Variants in NEU3 observed in about 807,000 individuals in gnomAD.
The protein encoded by NEU3 is neuraminidase 3.
In NEU3, 10 loss-of-function variants were observed where a neutral mutation model predicts 11.4. The observed-to-expected ratio is 0.88, with a 90% CI of 0.54 to 1.49. NEU3 has a LOEUF of 1.49. NEU3 is among the 40% of genes most tolerant of loss of function. NEU3 has a pLI of 0.00. For missense variants in NEU3, 529 were observed against 581.8 expected (o/e 0.91, Z 0.93); for synonymous variants, 212 against 228.2 (o/e 0.93, Z 0.64).
At chr11:75,017,262 G>A (rs79736723) in intron 3 of NEU3, among the ~76,000 whole-genome samples, 3,198 of 152,256 alleles carry the variant, frequency 0.021, 132 homozygotes, top group African/African-American at 0.073. Flanking sequence ...CAGAGTTGGG[G>A]CAGATCCTTG....
downstream of NEU3, among the ~76,000 whole-genome samples, chr11:75,014,995 T>G (rs565377): frequency 6.6e-4 from 100 of 152,162 alleles, no homozygotes; most frequent in African/African-American, 2.3e-3. Context: ...GGGAGCTGCC[T>G]TGATTATTAT....
Position 75,005,855 on chromosome 11 carries a change from T to C in NEU3, c.749T>C (p.Leu250Pro). Residue 250 changes from leucine (L) to proline (P), a missense_variant, in exon 3 of 3, where the codon CTC (leucine) becomes CCC (proline). Coordinates refer to ENST00000294064, the MANE Select transcript of NEU3 (RefSeq NM_006656.6). The part of the protein sequence containing the change: ...DLGVTWHHGR[L>P]IRPMVTVECE... The stretch of plus-strand genomic sequence containing the variant: ...GGGGTCACATGGCACCATGGTAGAC[T>C]CATTAGGCCCATGGTTACAGTAGAA... The C allele has an allele frequency of 6.2e-7, 1 of 1,613,928 alleles. No homozygotes were observed. Among genetic ancestry groups the C allele is most frequent in the Non-Finnish European group, 8.5e-7 (1 of 1,179,878 alleles).
At position 75,006,686 on chromosome 11, in the gene NEU3, A is replaced by C. The variant is rs557205845; in HGVS notation, c.*194A>C. On this transcript the variant is annotated 3_prime_UTR_variant, in exon 3 of 3. Coordinates refer to ENST00000294064, the MANE Select transcript of NEU3 (RefSeq NM_006656.6). ...GAAAGAGCACTGAACTAGGAGTTGG[A>C]AGACAAGGATGTGGTCCTGGCTCTG... is the stretch of plus-strand genomic sequence containing the variant. The C allele has an allele frequency of 1.1e-5, 7 of 614,614 alleles. No homozygotes were observed. In the South Asian group the frequency reaches 1.6e-4, roughly 14 times the overall value. The allele number at this position is 614,614 out of a possible 1,614,324, so 38.1% of individuals were successfully genotyped here.
intron 3 of NEU3, among the ~76,000 whole-genome samples, chr11:75,015,993 T>G (rs1462976568): frequency 6.6e-6 from 1 of 152,204 alleles, no homozygotes; most frequent in Non-Finnish European, 1.5e-5. Context: ...GAGGACTGGA[T>G]AGTCTGTGGA....
Position 75,006,192 on chromosome 11 carries a change from C to T in NEU3, c.1086C>T (p.Leu362=), listed in dbSNP as rs747668366. The T allele has an allele frequency of 5.6e-6, 9 of 1,613,908 alleles. No homozygotes were observed. Among genetic ancestry groups the T allele is most frequent in the Non-Finnish European group, 7.6e-6 (9 of 1,179,910 alleles). ...CTGGAACACCGTCAGAATCATGGCT[C>T]TTGTACTCACACCCAACCAGTAGGA... ...EEAGTPSESW[L]LYSHPTSRKQ... is the part of the protein sequence containing the mutation. The change falls in exon 3 of 3, where the codon CTC becomes CTT. Residue 362 remains leucine, a synonymous_variant. Coordinates refer to ENST00000294064, the MANE Select transcript of NEU3 (RefSeq NM_006656.6).
intron 2 of NEU3, among the ~76,000 whole-genome samples, chr11:75,001,285 CTTTTTTTTTTT>C (rs775188864): frequency 7.7e-6 from 1 of 130,098 alleles, no homozygotes; most frequent in Non-Finnish European, 1.7e-5. Flanking sequence ...TTTTTTTTTT[CTTTTTTTTTTT>C]TTTGAGATGG....
intron 1 of NEU3, among the ~76,000 whole-genome samples, chr11:74,993,500 G>A (rs1025043492): frequency 2.0e-5 from 3 of 152,110 alleles, no homozygotes; most frequent in East Asian, 1.9e-4. Context: ...CACCACGCCC[G>A]GCCTGGTTAG....
chr11:74,989,514 T>C (rs185438791), intron 1 of NEU3, among the ~76,000 whole-genome samples: 1 of 152,228 alleles, frequency 6.6e-6, no homozygotes, highest in East Asian at 1.9e-4. Flanking sequence ...GTAAGCTTTG[T>C]CCCCATCCCG....
chr11:75,004,758 A>G (rs1313373773), intron 2 of NEU3, among the ~76,000 whole-genome samples: 1 of 152,206 alleles, frequency 6.6e-6, no homozygotes, highest in Non-Finnish European at 1.5e-5. Context: ...GTGTCTCTGA[A>G]TCTATGCTTG....
Position 74,989,007 on chromosome 11 carries a change from C to T in NEU3, c.-54C>T. 1 of 1,351,272 alleles carries T rather than the reference C, an allele frequency of 7.4e-7. No individual in the cohort carries two copies. Among genetic ancestry groups the T allele is most frequent in the Admixed American group, 2.0e-5 (1 of 50,134 alleles). 83.7% of individuals were successfully genotyped at this position (1,351,272 alleles called of 1,614,324 possible). ...CAGTTGTTTCTCCCTCTCTATCCTC[C>T]TCTGTCTCAGTCTCCCCAGCCTTGG... On this transcript the variant is annotated 5_prime_UTR_variant, in exon 1 of 3. Transcript: ENST00000294064.
At chr11:75,000,776 A>T (rs895210564) in intron 2 of NEU3, among the ~76,000 whole-genome samples, 6 of 134,494 alleles carry the variant, frequency 4.5e-5, no homozygotes, top group Non-Finnish European at 7.9e-5. Context: ...ATACCCAGCT[A>T]ATTTATTTAT....
chr11:74,995,063 A>G (rs1948775331), intron 2 of NEU3: 1 of 552,874 alleles, frequency 1.8e-6, no homozygotes, highest in Non-Finnish European at 3.2e-6. Flanking sequence ...AGACCTCCAC[A>G]GTTATTTAGA....
At position 75,006,315 on chromosome 11, in the gene NEU3, C is replaced by T. The variant is rs778781995; in HGVS notation, c.1209C>T (p.Tyr403=). Residue 403 remains tyrosine (Y), a synonymous_variant, in exon 3 of 3, where the codon TAC becomes TAT. Transcript: ENST00000294064. ...PWILHCGPCG[Y]SDLAALEEEG... ...TCTTGCACTGTGGGCCCTGTGGCTA[C>T]TCTGATCTGGCTGCTCTGGAGGAGG... 217 of 1,613,874 alleles carry T rather than the reference C, an allele frequency of 1.3e-4. 1 individual carries two copies. The highest frequency in any genetic ancestry group is 3.6e-5 in the Non-Finnish European group (43 of 1,179,908).
chr11:75,017,064 A>G (rs958292294), intron 3 of NEU3, among the ~76,000 whole-genome samples: 6 of 152,230 alleles, frequency 3.9e-5, no homozygotes, highest in African/African-American at 1.2e-4. Flanking sequence ...AAGACCTAAC[A>G]GGAAAGATAA....
chr11:75,004,181 A>C, intron 2 of NEU3: 1 of 456,282 alleles, frequency 2.2e-6, no homozygotes. Flanking sequence ...ACTTCAATCC[A>C]TATATGAAAG....
intron 2 of NEU3, among the ~76,000 whole-genome samples, chr11:75,002,363 A>T (rs542912893): frequency 3.3e-5 from 5 of 152,342 alleles, no homozygotes; most frequent in Non-Finnish European, 7.4e-5. Flanking sequence ...TTAATTTTTT[A>T]AATTTATTTT....
intron 2 of NEU3, among the ~76,000 whole-genome samples, chr11:75,003,929 A>G (rs1361483337): frequency 6.6e-6 from 1 of 152,060 alleles, no homozygotes; most frequent in Non-Finnish European, 1.5e-5. Flanking sequence ...ATCACTATAT[A>G]TGGAAAAAAG....
intron 2 of NEU3, among the ~76,000 whole-genome samples, chr11:75,002,941 C>A (rs948471476): frequency 2.0e-5 from 3 of 152,078 alleles, no homozygotes; most frequent in African/African-American, 4.8e-5. Context: ...ATGAACATAC[C>A]ACAATTAAGT....
chr11:75,002,483 CTTG>C, intron 2 of NEU3, among the ~76,000 whole-genome samples: 1 of 152,294 alleles, frequency 6.6e-6, no homozygotes, highest in African/African-American at 2.4e-5. Context: ...ACTATTGTTT[CTTG>C]TTATCTCTTC....
Sources: allele counts gnomAD v4.1 joint callset (sites outside exome capture counted in the v4.1 genomes callset), GRCh38; gene constraint gnomAD v4.1.1; transcripts MANE v1.5; gene names NCBI Gene and HGNC (gene_info 2026-07-23, HGNC 2026-07-21).